PLA2G2F: variants seen among roughly 807,000 people sequenced by gnomAD.
PLA2G2F encodes the protein group IIF secretory phospholipase A2.
In PLA2G2F, 17 loss-of-function variants were observed where a neutral mutation model predicts 15.9. The ratio of observed to expected loss-of-function variants is 1.07; its 90% confidence interval spans 0.73 to 1.60. The LOEUF is 1.60. Among genes scored for constraint, PLA2G2F ranks in the 40% most tolerant of loss-of-function variants. PLA2G2F has a pLI of 0.00. For synonymous variants in PLA2G2F, 119 were observed against 106.5 expected (o/e 1.12, Z -0.72); for missense variants, 299 against 278.2 (o/e 1.07, Z -0.53).
chr1:20,140,257 C>G, intron 2 of PLA2G2F, 39 bp downstream of exon 2: 1 of 1,605,146 alleles, frequency 6.2e-7, no homozygotes, highest in Non-Finnish European at 8.5e-7. Flanking sequence ...TTCTCTCCCA[C>G]TCCCAGCTTG....
At chr1:20,144,522 C>T (rs2017543968) in intron 3 of PLA2G2F, 58 bp from the exon 4 acceptor site, 4 of 1,226,794 alleles carry the variant, frequency 3.3e-6, no homozygotes, top group East Asian at 4.9e-5. Flanking sequence ...GAGGTCTCTG[C>T]TGGTGGGAGA....
At chr1:20,148,062 C>T in intron 4 of PLA2G2F, 128 bp from the exon 5 acceptor site, 1 of 778,876 alleles carries the variant, frequency 1.3e-6, no homozygotes, top group Non-Finnish European at 2.2e-6. Flanking sequence ...GCTGGTCCTG[C>T]CGCCCAGGTA....
At position 20,144,590 on chromosome 1, in the gene PLA2G2F, G is replaced by T. The variant is rs771304346; in HGVS notation, c.325G>T (p.Ala109Ser). 6.2e-7 allele frequency: 1 copy of T among 1,609,926 alleles called. No homozygotes were observed. The highest frequency in any genetic ancestry group is 1.3e-5 in the African/African-American group (1 of 74,982). Residue 109 changes from alanine (A) to serine (S), a missense_variant, in exon 4 of 5, where the codon GCC becomes TCC. By Grantham distance (99) the Ala-to-Ser change is moderately conservative. Transcript: ENST00000375102. Reference protein sequence around the residue: ...PKDEVDWCCHAHDCCYQELFD... With the variant: ...PKDEVDWCCHSHDCCYQELFD... ...TCTGCCGCTCCCTAGGTGCTGCCAC[G>T]CCCACGACTGCTGCTACCAGGAACT...
rs753023861 is a variant in PLA2G2F at position 20,148,285 on chromosome 1, CG to C, written c.521del (p.Arg174LeufsTer44). On this transcript the variant is annotated frameshift_variant, in exon 5 of 5. Transcript: ENST00000375102. LOFTEE classifies it low-confidence loss of function (END_TRUNC). ...LMNQTYREEY[R>X]GFLNVYCQGP... is the part of the protein sequence containing the mutation. ...GAACCAGACGTACCGAGAGGAGTAC[CG>C]TGGCTTCCTCAATGTCTACTGCCAG... 4 of 1,613,932 alleles carry C rather than the reference CG, an allele frequency of 2.5e-6. No individual in the cohort carries two copies. Among genetic ancestry groups the C allele is most frequent in the Admixed American group, 1.7e-5 (1 of 60,000 alleles).
chr1:20,146,750 C>T (rs1305373737), intron 4 of PLA2G2F, among the ~76,000 whole-genome samples: 1 of 152,192 alleles, frequency 6.6e-6, no homozygotes, highest in East Asian at 1.9e-4. Flanking sequence ...GGGCCCAGAT[C>T]TCTGTGGTCC....
At chr1:20,140,112 C>T (rs2017428910) in intron 1 of PLA2G2F, 54 bp from the exon 2 acceptor site, 1 of 1,586,826 alleles carries the variant, frequency 6.3e-7, no homozygotes, top group Non-Finnish European at 8.6e-7. Flanking sequence ...GCAGGTCCAA[C>T]ACTGCCAAGG....
chr1:20,146,736 T>G (rs1239116270), intron 4 of PLA2G2F, among the ~76,000 whole-genome samples: 1 of 152,182 alleles, frequency 6.6e-6, no homozygotes, highest in African/African-American at 2.4e-5. Flanking sequence ...TTGGGACCCC[T>G]TGGGGGCCCA....
chr1:20,140,313 C>T (rs1557774955), intron 2 of PLA2G2F, 95 bp downstream of exon 2: 4 of 1,354,320 alleles, frequency 3.0e-6, no homozygotes, highest in South Asian at 2.6e-5. Context: ...ACTGACCAGC[C>T]TAGGTTCCTT....
Position 20,148,379 on chromosome 1 carries a change from C to G in PLA2G2F, c.614C>G (p.Pro205Arg). 1 of 1,613,012 alleles carries G rather than the reference C, an allele frequency of 6.2e-7. No individual in the cohort carries two copies. The highest frequency in any genetic ancestry group is 8.5e-7 in the Non-Finnish European group (1 of 1,179,272). ...PEEVTCSHQSPAPPAPP is the reference protein window; with the variant it reads ...PEEVTCSHQSRAPPAPP ...GAGGTCACCTGCAGTCACCAATCCC[C>G]AGCGCCCCCCGCCCCTCCCTAGAGC... The change falls in exon 5 of 5, where the codon CCA (proline) becomes CGA (arginine). Residue 205 changes from proline (P) to arginine (R), a missense_variant. By Grantham distance (103) the Pro-to-Arg change is moderately radical. Transcript: ENST00000375102.
intron 2 of PLA2G2F, 21 bp downstream of exon 2, chr1:20,140,239 G>T (rs377583299): frequency 6.2e-7 from 1 of 1,611,352 alleles, no homozygotes; most frequent in Admixed American, 1.7e-5. Context: ...ACTCCAGAGG[G>T]CTCCTCCTTC....
At chr1:20,143,205 G>C in intron 2 of PLA2G2F, 1 of 488,384 alleles carries the variant, frequency 2.0e-6, no homozygotes, top group South Asian at 3.2e-5. Flanking sequence ...AGGATGACCT[G>C]CGTTGTTTTC....
intron 4 of PLA2G2F, among the ~76,000 whole-genome samples, chr1:20,146,711 G>C (rs2017615738): frequency 6.6e-6 from 1 of 152,196 alleles, no homozygotes; most frequent in Non-Finnish European, 1.5e-5. Flanking sequence ...GAGTCTAGTG[G>C]AGACTGGGGT....
intron 2 of PLA2G2F, 67 bp downstream of exon 2, chr1:20,140,285 C>A (rs1292980273): frequency 2.6e-6 from 4 of 1,558,206 alleles, no homozygotes; most frequent in African/African-American, 1.4e-5. Context: ...TGACCTTGGG[C>A]GCCTGAGTTA....
At chr1:20,140,721 G>C (rs2017440526) in intron 2 of PLA2G2F, 1 of 161,254 alleles carries the variant, frequency 6.2e-6, no homozygotes, top group African/African-American at 2.4e-5. Flanking sequence ...CATGCTTATG[G>C]ATGAAGGGTG....
intron 4 of PLA2G2F, among the ~76,000 whole-genome samples, chr1:20,145,030 A>T (rs909319178): frequency 6.6e-6 from 1 of 152,142 alleles, no homozygotes; most frequent in Admixed American, 6.5e-5. Context: ...GTGAGCCAAG[A>T]TCGCACGCCA....
chr1:20,140,380 G>T, intron 2 of PLA2G2F, 162 bp downstream of exon 2: 1 of 711,074 alleles, frequency 1.4e-6, no homozygotes, highest in Non-Finnish European at 2.3e-6. Context: ...CCAATTCTGG[G>T]GCTGTTTACC....
intron 1 of PLA2G2F, among the ~76,000 whole-genome samples, chr1:20,139,852 C>T (rs1188905868): frequency 6.6e-6 from 1 of 152,136 alleles, no homozygotes; most frequent in Non-Finnish European, 1.5e-5. Flanking sequence ...GACTTCCTTC[C>T]CGGACTCCCT....
Position 20,139,380 on chromosome 1 carries a change from T to C in PLA2G2F, c.-48T>C. Reference sequence around the variant, plus strand: ...TGCTCCCCGCAGCCTCTGGAGCGCATCTCAGACCTTCTGAGACCTATGTTG... The same window carrying C: ...TGCTCCCCGCAGCCTCTGGAGCGCACCTCAGACCTTCTGAGACCTATGTTG... On this transcript the variant is annotated 5_prime_UTR_variant, in exon 1 of 5. Transcript: ENST00000375102. 6 of 1,434,820 alleles carry C rather than the reference T, an allele frequency of 4.2e-6. No individual in the cohort carries two copies. The highest frequency in any genetic ancestry group is 5.8e-6 in the Non-Finnish European group (6 of 1,041,092). 88.9% of individuals were successfully genotyped at this position (1,434,820 alleles called of 1,614,324 possible). A position where few individuals can be genotyped will look rare whatever the true frequency, so the allele number is the denominator to read the frequency against.
intron 3 of PLA2G2F, 66 bp from the exon 4 acceptor site, chr1:20,144,514 G>A: frequency 2.7e-6 from 3 of 1,102,632 alleles, no homozygotes; most frequent in Non-Finnish European, 4.1e-6. Flanking sequence ...GATGATCAGA[G>A]GTCTCTGCTG....
Sources: allele counts gnomAD v4.1 joint callset (sites outside exome capture counted in the v4.1 genomes callset), GRCh38; gene constraint gnomAD v4.1.1; transcripts MANE v1.5; gene names NCBI Gene and HGNC (gene_info 2026-07-23, HGNC 2026-07-21).